The following LRP1 variants were observed in gnomAD, a reference collection of about 807,000 sequenced individuals.
LRP1 encodes prolow-density lipoprotein receptor-related protein 1.
LRP1 carries 51 observed loss-of-function variants against 541.5 expected under a neutral mutation model. That is an observed-to-expected ratio of 0.09 (90% CI 0.08 to 0.12). The LOEUF (loss-of-function observed/expected upper bound fraction) is 0.12. Among genes scored for constraint, LRP1 ranks in the 10% least tolerant of loss-of-function variants. The pLI, the probability that LRP1 is intolerant of heterozygous loss-of-function variation, is 1.00. For missense variants in LRP1, 3,878 were observed against 6,376.2 expected, an observed-to-expected ratio of 0.61 and a Z score of 13.34; for synonymous variants, 2,219 against 2,470.8, an observed-to-expected ratio of 0.90 and a Z score of 3.02.
chr12:57,148,901 TGCG>T, intron 6 of LRP1: 2 of 547,298 alleles, frequency 3.7e-6, no homozygotes, highest in South Asian at 4.9e-5. Flanking sequence ...GCAGCAAGGT[TGCG>T]AAATGGGTCC....
At chr12:57,198,372 C>T (rs1357559754) in intron 59 of LRP1, 29 bp downstream of exon 59, 2 of 1,606,682 alleles carry the variant, frequency 1.2e-6, no homozygotes, top group Non-Finnish European at 1.7e-6. Flanking sequence ...TTGGGGGAGC[C>T]CCTGAAAGCA....
intron 48 of LRP1, 87 bp downstream of exon 48, chr12:57,194,099 A>T: frequency 8.1e-7 from 1 of 1,235,314 alleles, no homozygotes; most frequent in Non-Finnish European, 1.2e-6. Flanking sequence ...GCACCTGCCC[A>T]CATTCCTCTC....
At position 57,199,203 on chromosome 12, in the gene LRP1, G is replaced by T; in HGVS notation, c.9677-9G>T. 6.2e-7 allele frequency: 1 copy of T among 1,612,042 alleles called. No homozygotes were observed. ...TGACTGGCACTGTGCCTGCCCCTTG[G>T]CCCTGCAGTGCTGAGCCAGGACATC... On this transcript the variant is annotated splice_polypyrimidine_tract_variant and intron_variant, in intron 60 of 88. Transcript: ENST00000243077.
chr12:57,184,944 A>G lies in LRP1; in HGVS notation c.6292A>G (p.Met2098Val), dbSNP rs2036239555. Reference sequence around the variant, plus strand: ...GGTTCTGTCCAGCAACAACATGGACATGTTTTCAGTGTCTGTGTTTGAGGA... The same window carrying G: ...GGTTCTGTCCAGCAACAACATGGACGTGTTTTCAGTGTCTGTGTTTGAGGA... ...EVVLSSNNMD[M>V]FSVSVFEDFI... The change falls in exon 39 of 89, where the codon ATG becomes GTG. Residue 2098 changes from methionine to valine, a missense_variant. By Grantham distance (21) the Met-to-Val change is conservative. This residue lies in a region of LRP1 where 1,100 missense variants were observed against 1,827.4 expected (regional missense o/e 0.60). Coordinates refer to ENST00000243077, the MANE Select transcript of LRP1 (RefSeq NM_002332.3). The surrounding 1 kb of genome is among the most constrained non-coding windows in gnomAD (Gnocchi z 7.8). 6.2e-7 allele frequency: 1 copy of G among 1,614,042 alleles called. No homozygotes were observed. The highest frequency in any genetic ancestry group is 1.3e-5 in the African/African-American group (1 of 74,912).
chr12:57,142,706 C>A (rs1156438692), intron 3 of LRP1, among the ~76,000 whole-genome samples: 1 of 152,174 alleles, frequency 6.6e-6, no homozygotes, highest in Non-Finnish European at 1.5e-5. Context: ...CTCATTCCCT[C>A]ACCCTATATC....
intron 79 of LRP1, 136 bp from the exon 80 acceptor site, chr12:57,209,556 C>T (rs1412933702): frequency 2.0e-5 from 14 of 702,566 alleles, no homozygotes; most frequent in South Asian, 1.4e-4. Flanking sequence ...GAGGAGGAAC[C>T]GGTGTGGGGA....
intron 49 of LRP1, 24 bp from the exon 50 acceptor site, chr12:57,194,553 C>G (rs200087058): frequency 6.2e-7 from 1 of 1,612,586 alleles, no homozygotes; most frequent in East Asian, 2.2e-5. Flanking sequence ...TGAGCAGGGC[C>G]CTCACACCTG....
chr12:57,181,729 G>A (rs892921927), intron 34 of LRP1, among the ~76,000 whole-genome samples: 4 of 152,156 alleles, frequency 2.6e-5, no homozygotes, highest in Non-Finnish European at 5.9e-5. Flanking sequence ...CAACCTGGCC[G>A]CAATGGTGGT....
chr12:57,192,987 G>A lies in LRP1; in HGVS notation c.7555+17G>A, dbSNP rs1471106636. The A allele has an allele frequency of 6.2e-7, 1 of 1,610,830 alleles. No individual in the cohort carries two copies. Among genetic ancestry groups the A allele is most frequent in the Admixed American group, 1.7e-5 (1 of 60,026 alleles). On this transcript the variant is annotated intron_variant, in intron 45 of 88. Coordinates refer to ENST00000243077, the MANE Select transcript of LRP1 (RefSeq NM_002332.3). ...CCTGCCGAGGTGAGAGAGGCGGGGG[G>A]GAGGGGCTGGCGGGGAACCCAAGCA...
At position 57,167,741 on chromosome 12, in the gene LRP1, T is replaced by C. The variant is rs927142552; in HGVS notation, c.2995+217T>C. Reference sequence around the variant, plus strand: ...GACCATCACCTTTTAGTGTCATTCCTACCCCAGGCAGGGCCTGAGCTGCCC... The same window carrying C: ...GACCATCACCTTTTAGTGTCATTCCCACCCCAGGCAGGGCCTGAGCTGCCC... On this transcript the variant is annotated intron_variant, in intron 19 of 88. Transcript: ENST00000243077. Among the ~76,000 whole-genome samples, 6 of 152,234 alleles carry C rather than the reference T, an allele frequency of 3.9e-5. No homozygotes were observed. In the East Asian group the frequency reaches 9.6e-4, roughly 24 times the overall value.
rs532547634 is a variant in LRP1 at position 57,173,627 on chromosome 12, A to G, written c.3347-153A>G. ...CAGATTCCTGCCTTGTTTGTTGCCT[A>G]TGTGAATTTGACCCAAAAAGCCTCG... is the stretch of plus-strand genomic sequence containing the variant. On this transcript the variant is annotated intron_variant, in intron 21 of 88. Transcript: ENST00000243077. The surrounding 1 kb of genome is among the most constrained non-coding windows in gnomAD (Gnocchi z 4.7). 6.6e-6 allele frequency among the ~76,000 whole-genome samples: 1 copy of G among 152,248 alleles called. No homozygotes were observed. Among genetic ancestry groups the G allele is most frequent in the Admixed American group, 6.5e-5 (1 of 15,304 alleles).
Position 57,158,462 on chromosome 12 carries a change from T to C in LRP1, c.1622T>C (p.Met541Thr). Reference protein sequence around the residue: ...GKGRPGIIRGMDMGAKVPDEH... With the variant: ...GKGRPGIIRGTDMGAKVPDEH... ...GGCCGGCCAGGCATCATCCGGGGCATGGATATGGGGGCCAAGGTCCCGGAT... is the reference window on the plus strand; with the variant it reads ...GGCCGGCCAGGCATCATCCGGGGCACGGATATGGGGGCCAAGGTCCCGGAT... The change falls in exon 11 of 89, where the codon ATG becomes ACG. Residue 541 changes from methionine (M) to threonine (T), a missense_variant. Coordinates refer to ENST00000243077, the MANE Select transcript of LRP1 (RefSeq NM_002332.3). This position sits in a 1 kb window ranked among gnomAD's most constrained non-coding sequence, Gnocchi z 5.3. 1 of 1,614,068 alleles carries C rather than the reference T, an allele frequency of 6.2e-7. No individual in the cohort carries two copies. The highest frequency in any genetic ancestry group is 8.5e-7 in the Non-Finnish European group (1 of 1,179,966).
chr12:57,190,234 C>G (rs1189408938), intron 42 of LRP1, among the ~76,000 whole-genome samples: 1 of 152,230 alleles, frequency 6.6e-6, no homozygotes, highest in Non-Finnish European at 1.5e-5. Flanking sequence ...CCACACTCAG[C>G]TCCACAAGGG....
rs1257825470 is a variant in LRP1, at chr12:57,212,564, C to T, written c.*9C>T. 1 of 1,573,384 alleles carries T rather than the reference C, an allele frequency of 6.4e-7. No individual in the cohort carries two copies. Among genetic ancestry groups the T allele is most frequent in the South Asian group, 1.2e-5 (1 of 84,284 alleles). ...GGGACCCCTTGGCATAGGGCCCTGC[C>T]CCGTCGGACTGCCCCCAGAAAGCCT... On this transcript the variant is annotated 3_prime_UTR_variant, in exon 89 of 89. Transcript: ENST00000243077. This position sits in a 1 kb window ranked among gnomAD's most constrained non-coding sequence, Gnocchi z 5.0.
chr12:57,173,664 G>A lies in LRP1; in HGVS notation c.3347-116G>A. 2.7e-6 allele frequency: 3 copies of A among 1,104,130 alleles called. No homozygotes were observed. The South Asian group carries it at 4.1e-5, about 15-fold the overall frequency. The allele number at this position is 1,104,130 out of a possible 1,614,324, so 68.4% of individuals were successfully genotyped here. A position where few individuals can be genotyped will look rare whatever the true frequency, so the allele number is the denominator to read the frequency against. ...CCCAAAAAGCCTCGGGGTTCCTCGTGGACCCCACAGCGTTGCAATCCTGAC... is the reference window on the plus strand; with the variant it reads ...CCCAAAAAGCCTCGGGGTTCCTCGTAGACCCCACAGCGTTGCAATCCTGAC... On this transcript the variant is annotated intron_variant, in intron 21 of 88. Coordinates refer to ENST00000243077, the MANE Select transcript of LRP1 (RefSeq NM_002332.3). The surrounding 1 kb of genome is among the most constrained non-coding windows in gnomAD (Gnocchi z 4.7).
intron 1 of LRP1, among the ~76,000 whole-genome samples, chr12:57,137,759 G>A (rs1160316319): frequency 1.3e-5 from 2 of 151,620 alleles, no homozygotes; most frequent in African/African-American, 4.8e-5. Flanking sequence ...TTGTGCCACT[G>A]CACTCCAGCC....
rs756847956 is a variant in LRP1 at position 57,206,541 on chromosome 12, C to T, written c.11659C>T (p.His3887Tyr). 4.3e-6 allele frequency: 7 copies of T among 1,614,060 alleles called. No individual in the cohort carries two copies. In the East Asian group the frequency reaches 8.9e-5, roughly 21 times the overall value. Residue 3887 changes from histidine (H) to tyrosine (Y), a missense_variant, in exon 76 of 89, where the codon CAT becomes TAT. This residue lies in a region of LRP1 where 871 missense variants were observed against 1,212.4 expected (regional missense o/e 0.72). Transcript: ENST00000243077. This position sits in a 1 kb window ranked among gnomAD's most constrained non-coding sequence, Gnocchi z 4.7. Reference protein sequence around the residue: ...EIRSLFPGHPHSAYEQAFQGD... With the variant: ...EIRSLFPGHPYSAYEQAFQGD... ...CCGCAGCCTGTTCCCCGGCCACCCC[C>T]ATTCGGCTTACGAGCAGGCATTCCA...
At chr12:57,138,407 C>G in intron 1 of LRP1, 52 bp from the exon 2 acceptor site, 1 of 1,600,300 alleles carries the variant, frequency 6.2e-7, no homozygotes, top group Non-Finnish European at 8.5e-7. Flanking sequence ...TTTGGGTTCA[C>G]AGAGTTGGCC....
chr12:57,130,011 A>G (rs559743428), intron 1 of LRP1, among the ~76,000 whole-genome samples: 2 of 152,174 alleles, frequency 1.3e-5, no homozygotes, highest in Non-Finnish European at 2.9e-5. Context: ...CTAGAACTGC[A>G]TCCTTTTGGG....
Sources: allele counts gnomAD v4.1 joint callset (sites outside exome capture counted in the v4.1 genomes callset), GRCh38; gene constraint gnomAD v4.1.1; regional missense constraint gnomAD v4.1.1; non-coding constraint Gnocchi (gnomAD v3.1); transcripts MANE v1.5; gene names NCBI Gene and HGNC (gene_info 2026-07-23, HGNC 2026-07-21).